DIAPH2: variants seen among roughly 807,000 people sequenced by gnomAD.
DIAPH2 encodes the protein diaphanous related formin 2, also known as protein diaphanous homolog 2.
DIAPH2 carries 35 observed loss-of-function variants against 92.7 expected under a neutral mutation model. That is an observed-to-expected ratio of 0.38 (90% CI 0.29 to 0.50). DIAPH2 has a LOEUF of 0.50. Ranked by LOEUF, DIAPH2 falls within the 20% of genes least tolerant of loss-of-function variation. The pLI, the probability that DIAPH2 is intolerant of heterozygous loss-of-function variation, is 0.94. For missense variants in DIAPH2, 701 were observed against 819.5 expected (o/e 0.86, Z 1.77); for synonymous variants, 301 against 280.4 (o/e 1.07, Z -0.73).
At chrX:97,268,886 T>G (rs2068361238) in intron 23 of DIAPH2, among the ~76,000 whole-genome samples, 1 of 95,947 alleles carries the variant, frequency 1.0e-5, no homozygotes, top group South Asian at 5.8e-4. Context: ...AGACAGAGTC[T>G]CACTCTGTTG....
At chrX:97,150,114 C>T (rs2067276131) in intron 22 of DIAPH2, among the ~76,000 whole-genome samples, 1 of 111,152 alleles carries the variant, frequency 9.0e-6, no homozygotes. Flanking sequence ...CAGTGTTGTA[C>T]AGCAGATCTC....
rs1455391632 is a variant in DIAPH2, at chrX:96,808,924, C to T, written c.447+50666C>T. On this transcript the variant is annotated intron_variant, in intron 4 of 26. Transcript: ENST00000324765. ...CACTCGGAAATGCTTTTTATACTGC[C>T]TTGAATAGTACCATGTATTTATGTA... 7.2e-5 allele frequency among the ~76,000 whole-genome samples: 8 copies of T among 111,623 alleles called. No homozygotes were observed. In the South Asian group the frequency reaches 3.0e-3, roughly 42 times the overall value.
rs761754012 is a variant in DIAPH2 at position 97,557,172 on chromosome X, C to T, written c.3242-42081C>T. ...GGAGTCTAGGGTTAGTTGTAGGGAGCGGCAGAATACATAGAAGAGAATAAA... is the reference window on the plus strand; with the variant it reads ...GGAGTCTAGGGTTAGTTGTAGGGAGTGGCAGAATACATAGAAGAGAATAAA... On this transcript the variant is annotated intron_variant, in intron 26 of 26. Transcript: ENST00000324765. Among the ~76,000 whole-genome samples, 10 of 111,625 alleles carry T rather than the reference C, an allele frequency of 9.0e-5. No individual in the cohort carries two copies. The South Asian group carries it at 1.1e-3, about 13-fold the overall frequency.
At chrX:96,911,124 A>T (rs75976341) in intron 5 of DIAPH2, among the ~76,000 whole-genome samples, 1 of 111,746 alleles carries the variant, frequency 8.9e-6, no homozygotes, top group Non-Finnish European at 1.9e-5. Context: ...TTGAGGCTAC[A>T]TCAGAATGTT....
intron 26 of DIAPH2, among the ~76,000 whole-genome samples, chrX:97,463,613 A>G (rs1203769671): frequency 9.3e-6 from 1 of 107,783 alleles, no homozygotes; most frequent in Non-Finnish European, 1.9e-5. Flanking sequence ...CTGATCTTGA[A>G]CTCCTGACCT....
intron 22 of DIAPH2, among the ~76,000 whole-genome samples, chrX:97,168,089 CTT>C (rs59856390): frequency 3.5e-4 from 34 of 96,572 alleles, no homozygotes; most frequent in Admixed American, 5.7e-4. Flanking sequence ...ATTAGACAGT[CTT>C]TTTTTTTTTT....
chrX:97,263,852 G>T (rs1241187666), intron 23 of DIAPH2, among the ~76,000 whole-genome samples: 2 of 109,686 alleles, frequency 1.8e-5, no homozygotes, highest in Non-Finnish European at 1.9e-5. Flanking sequence ...CTCCCAAAGT[G>T]CTAGGATTAC....
intron 18 of DIAPH2, 85 bp downstream of exon 18, chrX:97,073,127 C>A: frequency 1.6e-6 from 1 of 617,505 alleles, no homozygotes; most frequent in Non-Finnish European, 2.5e-6. Context: ...AAAGTTGTAA[C>A]CTTTTTAAAC....
At chrX:97,557,006 A>C (rs1389288409) in intron 26 of DIAPH2, among the ~76,000 whole-genome samples, 1 of 111,924 alleles carries the variant, frequency 8.9e-6, no homozygotes, top group Non-Finnish European at 1.9e-5. Context: ...GTTATAGGGT[A>C]AAGGATATTG....
chrX:97,448,353 A>T (rs1012576395), intron 26 of DIAPH2, among the ~76,000 whole-genome samples: 1 of 112,318 alleles, frequency 8.9e-6, no homozygotes. Flanking sequence ...ATATTTTGTT[A>T]TGGTATAAAT....
At chrX:96,801,967 C>T (rs1480375093) in intron 4 of DIAPH2, among the ~76,000 whole-genome samples, 1 of 111,803 alleles carries the variant, frequency 8.9e-6, no homozygotes, top group African/African-American at 3.2e-5. Flanking sequence ...AGTGAATGCA[C>T]ACATATAACC....
chrX:96,746,674 A>G (rs934339113), intron 3 of DIAPH2, among the ~76,000 whole-genome samples: 1 of 110,048 alleles, frequency 9.1e-6, no homozygotes, highest in Non-Finnish European at 1.9e-5. Context: ...CCACCTCAGC[A>G]TCCTGAGTAG....
At chrX:97,367,303 G>A (rs1051319592) in intron 24 of DIAPH2, among the ~76,000 whole-genome samples, 2 of 111,740 alleles carry the variant, frequency 1.8e-5, no homozygotes, top group African/African-American at 6.5e-5. Flanking sequence ...TCTAGGTCAT[G>A]ATCAAGGATA....
chrX:97,402,238 A>G (rs868372737), intron 25 of DIAPH2, among the ~76,000 whole-genome samples: 1 of 67,978 alleles, frequency 1.5e-5, no homozygotes, highest in Admixed American at 1.7e-4. Flanking sequence ...GTGTGTGTGT[A>G]GATGTATTAA....
At chrX:96,895,930 A>C (rs1297450349) in intron 5 of DIAPH2, among the ~76,000 whole-genome samples, 1 of 112,069 alleles carries the variant, frequency 8.9e-6, no homozygotes, top group African/African-American at 3.2e-5. Flanking sequence ...CCCAAATGAA[A>C]GGCGAGTGGC....
At chrX:97,520,462 A>G (rs1263788411) in intron 26 of DIAPH2, among the ~76,000 whole-genome samples, 2 of 112,192 alleles carry the variant, frequency 1.8e-5, no homozygotes, top group Admixed American at 1.9e-4. Flanking sequence ...TTACTCAAAG[A>G]TGATTTATTT....
intron 24 of DIAPH2, among the ~76,000 whole-genome samples, chrX:97,349,002 ATG>A (rs200822849): frequency 9.7e-6 from 1 of 103,191 alleles, no homozygotes; most frequent in African/African-American, 3.7e-5. Context: ...GTATATATAT[ATG>A]TGTGTGTATA....
chrX:96,845,069 G>A (rs1021820944), intron 4 of DIAPH2, among the ~76,000 whole-genome samples: 1 of 111,976 alleles, frequency 8.9e-6, no homozygotes, highest in Non-Finnish European at 1.9e-5. Context: ...AACATTTTTA[G>A]TGGCAAAAGC....
chrX:97,259,234 G>A (rs2068269621), intron 23 of DIAPH2, among the ~76,000 whole-genome samples: 1 of 110,045 alleles, frequency 9.1e-6, no homozygotes, highest in Admixed American at 9.6e-5. Flanking sequence ...GGCTGAGGCA[G>A]GAGAATCACT....
Sources: gnomAD v4.1 joint callset for allele counts (sites outside exome capture counted in the v4.1 genomes callset) on GRCh38, gnomAD v4.1.1 for gene constraint, MANE v1.5 for transcripts, NCBI Gene and HGNC (gene_info 2026-07-23, HGNC 2026-07-21) for gene names.